MAMDC2: variants seen among roughly 807,000 people sequenced by gnomAD.
The protein encoded by MAMDC2 is MAM domain-containing protein 2.
In MAMDC2, 57 loss-of-function variants were observed where a neutral mutation model predicts 89.8. The ratio of observed to expected loss-of-function variants is 0.63; its 90% CI spans 0.51 to 0.79. The LOEUF is 0.79. MAMDC2 is among the 30% of genes least tolerant of loss of function. The pLI is 0.00. For missense variants in MAMDC2, 800 were observed against 820.6 expected (o/e 0.97, Z 0.31); for synonymous variants, 313 against 293.4 (o/e 1.07, Z -0.68).
intron 9 of MAMDC2, among the ~76,000 whole-genome samples, chr9:70,166,320 T>TATATATAC (rs2032176431): frequency 6.8e-6 from 1 of 146,344 alleles, no homozygotes. Context: ...TATATATACA[T>TATATATAC]ACACATATAT....
chr9:70,109,638 C>T, intron 3 of MAMDC2, 82 bp from the exon 4 acceptor site: 1 of 1,178,160 alleles, frequency 8.5e-7, no homozygotes, highest in South Asian at 1.3e-5. Flanking sequence ...CTGAACAGCT[C>T]CAGACTAATA....
At chr9:70,200,639 G>A (rs1403031600) in intron 11 of MAMDC2, among the ~76,000 whole-genome samples, 11 of 139,946 alleles carry the variant, frequency 7.9e-5, no homozygotes, top group Non-Finnish European at 1.7e-4. Flanking sequence ...AAATTACCTT[G>A]GGCAGTATGG....
intron 11 of MAMDC2, among the ~76,000 whole-genome samples, chr9:70,216,753 T>C (rs1020516529): frequency 6.6e-6 from 1 of 152,230 alleles, no homozygotes; most frequent in Non-Finnish European, 1.5e-5. Context: ...TTTTTTAAAA[T>C]GGGCCTCAGA....
At chr9:70,052,006 T>G in intron 2 of MAMDC2, among the ~76,000 whole-genome samples, 1 of 151,970 alleles carries the variant, frequency 6.6e-6, no homozygotes. Context: ...TAAAAAAAAA[T>G]TTTTTTAAAG....
chr9:70,132,712 T>G (rs1341690581), intron 7 of MAMDC2, among the ~76,000 whole-genome samples: 1 of 151,934 alleles, frequency 6.6e-6, no homozygotes, highest in Non-Finnish European at 1.5e-5. Flanking sequence ...TTAGTAGAGA[T>G]GAGGTCTCAC....
intron 4 of MAMDC2, among the ~76,000 whole-genome samples, chr9:70,110,959 A>G (rs1828495261): frequency 6.6e-6 from 1 of 152,224 alleles, no homozygotes; most frequent in Non-Finnish European, 1.5e-5. Context: ...CTGAACGACA[A>G]CAACAACAAA....
chr9:70,138,957 A>G (rs990904387), intron 7 of MAMDC2, among the ~76,000 whole-genome samples: 24 of 152,132 alleles, frequency 1.6e-4, no homozygotes, highest in African/African-American at 5.8e-4. Flanking sequence ...TTGTTTCTAT[A>G]AAATATTATA....
At chr9:70,075,300 C>T (rs1827507516) in intron 2 of MAMDC2, among the ~76,000 whole-genome samples, 1 of 152,172 alleles carries the variant, frequency 6.6e-6, no homozygotes, top group Non-Finnish European at 1.5e-5. Flanking sequence ...AAACCCACAG[C>T]TGTGATTCGG....
intron 2 of MAMDC2, among the ~76,000 whole-genome samples, chr9:70,075,729 C>T (rs1223914955): frequency 2.6e-5 from 4 of 152,178 alleles, no homozygotes; most frequent in Non-Finnish European, 5.9e-5. Context: ...ACTACAATTA[C>T]ATGTGTATGA....
intron 6 of MAMDC2, among the ~76,000 whole-genome samples, chr9:70,127,199 C>T (rs767325813): frequency 2.6e-5 from 4 of 152,078 alleles, no homozygotes; most frequent in Admixed American, 6.5e-5. Context: ...AAATTATCTC[C>T]GTATTTACAC....
intron 11 of MAMDC2, among the ~76,000 whole-genome samples, chr9:70,183,254 T>C (rs1196211215): frequency 6.6e-6 from 1 of 152,076 alleles, no homozygotes; most frequent in Non-Finnish European, 1.5e-5. Context: ...TACTGAGGAG[T>C]GTTTTACTTC....
intron 12 of MAMDC2, among the ~76,000 whole-genome samples, chr9:70,221,011 C>A (rs2033545237): frequency 6.6e-6 from 1 of 152,120 alleles, no homozygotes; most frequent in South Asian, 2.1e-4. Context: ...CGTGGCAGAA[C>A]TGGTATTCTC....
chr9:70,202,735 T>G (rs10868689), intron 11 of MAMDC2, among the ~76,000 whole-genome samples: 134,647 of 148,218 alleles, frequency 0.91, 61,395 homozygotes, highest in East Asian at 0.98. Flanking sequence ...GAATCTGGGT[T>G]TTCCCGTATT....
chr9:70,195,857 A>G (rs988081745), intron 11 of MAMDC2, among the ~76,000 whole-genome samples: 6 of 152,106 alleles, frequency 3.9e-5, no homozygotes, highest in African/African-American at 1.4e-4. Flanking sequence ...CTTGATAAGG[A>G]AAGAAAAAAC....
chr9:70,045,139 T>G (rs1188778651), intron 2 of MAMDC2, among the ~76,000 whole-genome samples: 1 of 152,224 alleles, frequency 6.6e-6, no homozygotes, highest in Non-Finnish European at 1.5e-5. Context: ...CACAATTCTG[T>G]GATGGGACGT....
intron 5 of MAMDC2, among the ~76,000 whole-genome samples, chr9:70,121,105 G>A (rs760806815): frequency 3.1e-4 from 47 of 152,198 alleles, no homozygotes; most frequent in Non-Finnish European, 6.0e-4. Context: ...CTCTGGCACC[G>A]CGGCCAAGCC....
At chr9:70,130,790 A>T (rs1249025096) in intron 6 of MAMDC2, among the ~76,000 whole-genome samples, 1 of 152,082 alleles carries the variant, frequency 6.6e-6, no homozygotes, top group African/African-American at 2.4e-5. Flanking sequence ...AAAACAAAAC[A>T]AAACAAAACA....
intron 11 of MAMDC2, among the ~76,000 whole-genome samples, chr9:70,206,411 TA>T (rs1001955634): frequency 2.0e-5 from 3 of 152,176 alleles, no homozygotes; most frequent in African/African-American, 7.2e-5. Context: ...CAGGCTCCAC[TA>T]GGGGTCCTGG....
At chr9:70,051,064 G>T (rs1305605082) in intron 2 of MAMDC2, among the ~76,000 whole-genome samples, 1 of 152,160 alleles carries the variant, frequency 6.6e-6, no homozygotes, top group Non-Finnish European at 1.5e-5. Flanking sequence ...TGCCTTCTAT[G>T]ATCTCTCATC....
Sources: gnomAD v4.1 joint callset for allele counts (sites outside exome capture counted in the v4.1 genomes callset) on GRCh38, gnomAD v4.1.1 for gene constraint, MANE v1.5 for transcripts, NCBI Gene and HGNC (gene_info 2026-07-23, HGNC 2026-07-21) for gene names.